AK5: variants seen among roughly 807,000 people sequenced by gnomAD.
The protein encoded by AK5 is adenylate kinase isoenzyme 5.
In AK5, 27 loss-of-function variants were observed where a neutral mutation model predicts 69.5. The observed-to-expected ratio is 0.39, with a 90% confidence interval of 0.29 to 0.54. The LOEUF (loss-of-function observed/expected upper bound fraction) is 0.54, where lower values mean the gene tolerates loss of function less well. Ranked by LOEUF, AK5 falls within the 20% of genes least tolerant of loss-of-function variation. AK5 has a pLI of 0.71. For synonymous variants in AK5, 260 were observed against 244.4 expected (o/e 1.06, Z -0.60); for missense variants, 531 against 700.4 (o/e 0.76, Z 2.73).
Position 77,538,159 on chromosome 1 carries a change from C to T in AK5, c.1620+2121C>T, listed in dbSNP as rs865885083. 8.6e-5 allele frequency among the ~76,000 whole-genome samples: 13 copies of T among 151,968 alleles called. No individual in the cohort carries two copies. In the South Asian group the frequency reaches 1.5e-3, roughly 17 times the overall value. On this transcript the variant is annotated intron_variant, in intron 13 of 13. Coordinates refer to ENST00000354567, the MANE Select transcript of AK5 (RefSeq NM_174858.3). ...TTGAAGACCAGCCTAGGCAACATTTCGAGACCCTGTCTCTCCAAAAAATGC... is the reference window on the plus strand; with the variant it reads ...TTGAAGACCAGCCTAGGCAACATTTTGAGACCCTGTCTCTCCAAAAAATGC...
intron 6 of AK5, among the ~76,000 whole-genome samples, chr1:77,386,430 G>C (rs12142918): frequency 0.21 from 32,401 of 152,122 alleles, 3,646 homozygotes; most frequent in East Asian, 0.4. Flanking sequence ...ACACAGAGGA[G>C]TGTGGAGGAC....
chr1:77,394,098 C>G (rs1263867431), intron 6 of AK5, among the ~76,000 whole-genome samples: 1 of 151,782 alleles, frequency 6.6e-6, no homozygotes, highest in African/African-American at 2.4e-5. Flanking sequence ...ACCTGTAGTT[C>G]CAGCTACTCG....
chr1:77,457,146 CCT>C (rs1486589316), intron 8 of AK5, among the ~76,000 whole-genome samples: 1 of 152,104 alleles, frequency 6.6e-6, no homozygotes, highest in Non-Finnish European at 1.5e-5. Flanking sequence ...CCTGTGCCCT[CCT>C]CTCTCCTCAC....
rs74090649 is a variant in AK5 at position 77,557,397 on chromosome 1, C to T, written c.1621-1205C>T. The stretch of plus-strand genomic sequence containing the variant: ...CACTCATGGAAGTTGATGCATACCA[C>T]CAGCATTTCCCTGGCCTCCCAGGTG... On this transcript the variant is annotated intron_variant, in intron 13 of 13. Transcript: ENST00000354567. 819 of 188,676 alleles carry T rather than the reference C, an allele frequency of 4.3e-3. 8 individuals carry two copies. The highest frequency in any genetic ancestry group is 0.018 in the African/African-American group (785 of 42,774). The allele number at this position is 188,676 out of a possible 1,614,324, so 11.7% of individuals were successfully genotyped here. A position where few individuals can be genotyped will look rare whatever the true frequency, so the allele number is the denominator to read the frequency against.
rs115796845 is a variant in AK5 at position 77,294,983 on chromosome 1, G to A, written c.415+1023G>A. 8.0e-3 allele frequency among the ~76,000 whole-genome samples: 1,212 copies of A among 152,126 alleles called. 4 individuals are homozygous for A. The highest frequency in any genetic ancestry group is 0.014 in the Middle Eastern group (4 of 294). ...GTTCAAGGTTGCAGTGAACTCCACTGCACTCCAGTCTGGGTGACAGAGAGA... is the reference window on the plus strand; with the variant it reads ...GTTCAAGGTTGCAGTGAACTCCACTACACTCCAGTCTGGGTGACAGAGAGA... On this transcript the variant is annotated intron_variant, in intron 3 of 13. Coordinates refer to ENST00000354567, the MANE Select transcript of AK5 (RefSeq NM_174858.3).
At chr1:77,332,383 T>C (rs1661134297) in intron 5 of AK5, among the ~76,000 whole-genome samples, 1 of 149,754 alleles carries the variant, frequency 6.7e-6, no homozygotes, top group South Asian at 2.1e-4. Flanking sequence ...TTAGTAGACC[T>C]TAAAAGGTCT....
intron 8 of AK5, among the ~76,000 whole-genome samples, chr1:77,435,644 C>CAAAAAAAAAAAAAAAAAA (rs1202203579): frequency 6.1e-5 from 4 of 66,076 alleles, no homozygotes; most frequent in African/African-American, 2.3e-4. Flanking sequence ...GACTCTGTCT[C>CAAAAAAAAAAAAAAAAAA]AAAAAAAAAA....
At chr1:77,359,645 C>T (rs1461800282) in intron 6 of AK5, among the ~76,000 whole-genome samples, 3 of 152,156 alleles carry the variant, frequency 2.0e-5, no homozygotes, top group Admixed American at 6.5e-5. Context: ...TCAGCTCAAA[C>T]AGACAAAACA....
intron 6 of AK5, among the ~76,000 whole-genome samples, chr1:77,399,118 A>G (rs1426491152): frequency 2.0e-5 from 3 of 152,178 alleles, no homozygotes; most frequent in African/African-American, 7.2e-5. Flanking sequence ...TGCTTTCTGC[A>G]GCAACTTAAT....
chr1:77,447,026 T>C (rs1377367315), intron 8 of AK5, among the ~76,000 whole-genome samples: 1 of 152,184 alleles, frequency 6.6e-6, no homozygotes, highest in Non-Finnish European at 1.5e-5. Context: ...AAGTCATTGG[T>C]GGTCTACTGC....
At chr1:77,323,792 G>A (rs1660651791) in intron 5 of AK5, among the ~76,000 whole-genome samples, 1 of 152,188 alleles carries the variant, frequency 6.6e-6, no homozygotes, top group African/African-American at 2.4e-5. Flanking sequence ...ATACACGTGT[G>A]TGTAGATAGA....
intron 6 of AK5, among the ~76,000 whole-genome samples, chr1:77,383,407 T>C (rs936373735): frequency 1.3e-5 from 2 of 152,148 alleles, no homozygotes; most frequent in African/African-American, 4.8e-5. Flanking sequence ...AAACCATTTA[T>C]GGTTAGGAAA....
chr1:77,407,530 G>A (rs1048539685), intron 6 of AK5, among the ~76,000 whole-genome samples: 5 of 152,170 alleles, frequency 3.3e-5, no homozygotes, highest in African/African-American at 9.6e-5. Context: ...GGGGCATGAG[G>A]AGTCTTTGGG....
At chr1:77,530,350 C>T (rs1658512184) in intron 12 of AK5, among the ~76,000 whole-genome samples, 1 of 152,162 alleles carries the variant, frequency 6.6e-6, no homozygotes, top group African/African-American at 2.4e-5. Context: ...TGGAATGACC[C>T]AGATATTCCT....
chr1:77,358,018 T>TGTGTGAGTGAGAGAGA (rs762714026), intron 6 of AK5, among the ~76,000 whole-genome samples: 1 of 128,178 alleles, frequency 7.8e-6, no homozygotes, highest in Admixed American at 8.2e-5. Flanking sequence ...TGTGTGTGTG[T>TGTGTGAGTGAGAGAGA]GAGAGAGAGA....
intron 8 of AK5, among the ~76,000 whole-genome samples, chr1:77,443,157 T>G (rs1037336259): frequency 2.0e-5 from 3 of 152,234 alleles, no homozygotes; most frequent in Non-Finnish European, 4.4e-5. Context: ...GGCTCATACC[T>G]TAAGTCTTAG....
At chr1:77,313,581 C>G (rs922338125) in intron 5 of AK5, among the ~76,000 whole-genome samples, 2 of 152,094 alleles carry the variant, frequency 1.3e-5, no homozygotes, top group African/African-American at 4.8e-5. Context: ...CCCTCCCTCC[C>G]TAGCCCGGCC....
intron 8 of AK5, among the ~76,000 whole-genome samples, chr1:77,479,907 A>G (rs1289395763): frequency 6.6e-6 from 1 of 152,216 alleles, no homozygotes; most frequent in Non-Finnish European, 1.5e-5. Flanking sequence ...GCCTCATTGA[A>G]GAGGAAGCTC....
chr1:77,372,842 G>C (rs1647147297), intron 6 of AK5, among the ~76,000 whole-genome samples: 1 of 151,872 alleles, frequency 6.6e-6, no homozygotes, highest in African/African-American at 2.4e-5. Flanking sequence ...CCAAATATTT[G>C]TTCTTAGAAT....
Sources: allele counts gnomAD v4.1 joint callset (sites outside exome capture counted in the v4.1 genomes callset), GRCh38; gene constraint gnomAD v4.1.1; transcripts MANE v1.5; gene names NCBI Gene and HGNC (gene_info 2026-07-23, HGNC 2026-07-21).